The following MCM3AP variants were observed in gnomAD, a reference collection of about 807,000 sequenced individuals.
The protein encoded by MCM3AP is minichromosome maintenance complex component 3 associated protein.
A neutral mutation model predicts 184.1 loss-of-function variants in MCM3AP; 126 were observed. The observed-to-expected ratio is 0.68, with a 90% CI of 0.59 to 0.79. The LOEUF (loss-of-function observed/expected upper bound fraction) is 0.79. MCM3AP is among the 30% of genes least tolerant of loss of function. The pLI, the probability that MCM3AP is intolerant of heterozygous loss-of-function variation, is 0.00. For missense variants in MCM3AP, 2,496 were observed against 2,479.2 expected (o/e 1.01, Z -0.14); for synonymous variants, 1,002 against 979.3 (o/e 1.02, Z -0.43).
In MCM3AP at chr21:46,266,803, C is replaced by T. The variant is rs2145681283; in HGVS notation, c.2789+179G>A. On this transcript the variant is annotated intron_variant, in intron 10 of 27. Transcript: ENST00000291688. ...TTGGTCTGAGCCCTCAATGTGCTGACAGCCAGGATGTGACCTTGGGAACAC... is the reference window on the plus strand; with the variant it reads ...TTGGTCTGAGCCCTCAATGTGCTGATAGCCAGGATGTGACCTTGGGAACAC... 3 of 639,590 alleles carry T rather than the reference C, an allele frequency of 4.7e-6. No individual in the cohort carries two copies. The South Asian group carries it at 6.1e-5, about 13-fold the overall frequency. The allele number at this position is 639,590 out of a possible 1,614,324, so 39.6% of individuals were successfully genotyped here.
intron 17 of MCM3AP, among the ~76,000 whole-genome samples, chr21:46,255,151 T>G (rs967854853): frequency 3.3e-5 from 5 of 152,020 alleles, no homozygotes; most frequent in Non-Finnish European, 7.4e-5. Flanking sequence ...TGCTGCCAGG[T>G]GGGGCTGGAG....
At position 46,246,701 on chromosome 21, in the gene MCM3AP, G is replaced by T; in HGVS notation, c.4476C>A (p.Phe1492Leu). Reference protein sequence around the residue: ...QLKQLLQAKPFQPALPLVVLV... With the variant: ...QLKQLLQAKPLQPALPLVVLV... ...GAACCACCAGAGGAAGCGCAGGCTG[G>T]AAGGGCTTAGCCTGCAGGAGCTGCT... Residue 1492 changes from phenylalanine to leucine, a missense_variant, in exon 21 of 28, where the codon TTC (phenylalanine) becomes TTA (leucine). Phe to Leu is a conservative substitution (Grantham distance 22). Coordinates refer to ENST00000291688, the MANE Select transcript of MCM3AP (RefSeq NM_003906.5). 1 of 1,614,232 alleles carries T rather than the reference G, an allele frequency of 6.2e-7. No homozygotes were observed. Among genetic ancestry groups the T allele is most frequent in the Non-Finnish European group, 8.5e-7 (1 of 1,180,026 alleles).
Position 46,285,111 on chromosome 21 carries a change from G to A in MCM3AP, c.176C>T (p.Pro59Leu), listed in dbSNP as rs1415026437. ...GGAATGACTTACTCCAGAAGACGCT[G>A]GAAAGCTGGATACCTGTGAAAATCC... ...SSGFSQVSSF[P>L]ASSGVSHSSS... is the part of the protein sequence containing the mutation. Residue 59 changes from proline (P) to leucine (L), a missense_variant, in exon 1 of 28, where the codon CCA becomes CTA. By Grantham distance (98) the Pro-to-Leu change is moderately conservative (BLOSUM62 -3). This residue lies in a region of MCM3AP where 800 missense variants were observed against 717.1 expected (regional missense o/e 1.12). Coordinates refer to ENST00000291688, the MANE Select transcript of MCM3AP (RefSeq NM_003906.5). 5.6e-6 allele frequency: 9 copies of A among 1,614,188 alleles called. No individual in the cohort carries two copies. The highest frequency in any genetic ancestry group is 2.2e-5 in the East Asian group (1 of 44,886).
chr21:46,280,111 T>A lies in MCM3AP; in HGVS notation c.1549A>T (p.Lys517Ter). Residue 517 changes from lysine (K) to a stop codon, truncating the protein, a stop_gained, in exon 4 of 28, where the codon AAG becomes TAG. Transcript: ENST00000291688. LOFTEE classifies it high-confidence loss of function. The part of the protein sequence containing the change: ...ISPNKKPFSL[K>*]EKKPGDGEVS... ...TCACCGTCACCTGGTTTCTTCTCCT[T>A]CAGGGAAAAGGGTTTCTTATTGGGG... is the stretch of plus-strand genomic sequence containing the variant. 6.2e-7 allele frequency: 1 copy of A among 1,614,178 alleles called. No homozygotes were observed.
Position 46,275,308 on chromosome 21 carries a change from C to A in MCM3AP, c.1876G>T (p.Asp626Tyr). ...IMRQARVKRTDLDKARTFVGT... is the reference protein window; with the variant it reads ...IMRQARVKRTYLDKARTFVGT... ...ACAAAAGTCCTCGCTTTGTCCAGATCGGTTCTCTTCACCCGAGCTAAATGA... is the reference window on the plus strand; with the variant it reads ...ACAAAAGTCCTCGCTTTGTCCAGATAGGTTCTCTTCACCCGAGCTAAATGA... The change falls in exon 6 of 28, where the codon GAT becomes TAT. Residue 626 changes from aspartate (D) to tyrosine (Y), a missense_variant. By Grantham distance (160) the Asp-to-Tyr change is radical. Coordinates refer to ENST00000291688, the MANE Select transcript of MCM3AP (RefSeq NM_003906.5). 1.2e-6 allele frequency: 2 copies of A among 1,613,212 alleles called. No individual in the cohort carries two copies. The highest frequency in any genetic ancestry group is 1.7e-6 in the Non-Finnish European group (2 of 1,179,708).
At position 46,257,781 on chromosome 21, in the gene MCM3AP, C is replaced by T. The variant is rs984488152; in HGVS notation, c.3735-795G>A. Among the ~76,000 whole-genome samples, 7 of 152,040 alleles carry T rather than the reference C, an allele frequency of 4.6e-5. No homozygotes were observed. In the East Asian group the frequency reaches 9.7e-4, roughly 21 times the overall value. Reference sequence around the variant, plus strand: ...TAAAAATAAAAAAAACAAAATTAGCCGAGCATGGTGGCGCACGCCTGTAGT... The same window carrying T: ...TAAAAATAAAAAAAACAAAATTAGCTGAGCATGGTGGCGCACGCCTGTAGT... On this transcript the variant is annotated intron_variant, in intron 16 of 27. Transcript: ENST00000291688.
intron 23 of MCM3AP, 106 bp from the exon 24 acceptor site, chr21:46,243,828 G>T: frequency 8.4e-7 from 1 of 1,196,580 alleles, no homozygotes; most frequent in Non-Finnish European, 1.2e-6. Flanking sequence ...TGAGAAGTCT[G>T]CTTTCTAAAC....
rs58993039 is a variant in MCM3AP, at chr21:46,259,904, C to CAAA, written c.3582-816_3582-814dup. Reference sequence around the variant, plus strand: ...TGGGTAACAGAGTAAAACTCCATTTCAAAAAAAAAAAAAAAAAAAAAATTA... The same window carrying CAAA: ...TGGGTAACAGAGTAAAACTCCATTTCAAAAAAAAAAAAAAAAAAAAAAAAATTA... On this transcript the variant is annotated intron_variant, in intron 15 of 27. Transcript: ENST00000291688. Among the ~76,000 whole-genome samples, 68 of 80,210 alleles carry CAAA rather than the reference C, an allele frequency of 8.5e-4. 1 individual carries two copies. Among genetic ancestry groups the CAAA allele is most frequent in the Middle Eastern group, 7.0e-3 (1 of 142 alleles). The allele number at this position is 80,210 out of a possible 152,430, so 52.6% of individuals were successfully genotyped here.
At position 46,284,288 on chromosome 21, in the gene MCM3AP, C is replaced by T. The variant is rs1289371257; in HGVS notation, c.999G>A (p.Arg333=). Residue 333 remains arginine (R), a synonymous_variant, in exon 1 of 28, where the codon CGG becomes CGA. Transcript: ENST00000291688. ...DKRPVRLNRP[R]GGTLFGRTIQ... ...TCGTCCGACCAAATAAAGTACCTCC[C>T]CGGGGTCGATTCAGGCGGACAGGTC... The T allele has an allele frequency of 1.9e-6, 3 of 1,614,194 alleles. No homozygotes were observed. The South Asian group carries it at 3.3e-5, about 18-fold the overall frequency.
At chr21:46,265,094 C>T (rs1003539700) in intron 12 of MCM3AP, among the ~76,000 whole-genome samples, 7 of 152,370 alleles carry the variant, frequency 4.6e-5, no homozygotes, top group East Asian at 1.9e-4. Context: ...TTCAGACACA[C>T]GGGCTCAGGC....
chr21:46,285,161 G>A lies in MCM3AP; in HGVS notation c.126C>T (p.Asn42=). 6.2e-7 allele frequency: 1 copy of A among 1,614,142 alleles called. No homozygotes were observed. The highest frequency in any genetic ancestry group is 8.5e-7 in the Non-Finnish European group (1 of 1,180,008). The part of the protein sequence containing the change: ...RFGQPSLFGQ[N]STLSGKSSGF... ...CCGAGCTCTTCCCAGATAAGGTACTGTTTTGTCCAAAAAGAGAAGGTTGAC... is the reference window on the plus strand; with the variant it reads ...CCGAGCTCTTCCCAGATAAGGTACTATTTTGTCCAAAAAGAGAAGGTTGAC... Residue 42 remains asparagine (N), a synonymous_variant, in exon 1 of 28, where the codon AAC becomes AAT. Coordinates refer to ENST00000291688, the MANE Select transcript of MCM3AP (RefSeq NM_003906.5).
At chr21:46,280,644 C>T (rs2081320365) in intron 2 of MCM3AP, 69 bp from the exon 3 acceptor site, 4 of 1,047,994 alleles carry the variant, frequency 3.8e-6, no homozygotes, top group Non-Finnish European at 4.5e-6. Context: ...ATTGAAAACT[C>T]AAATGCAGTA....
At chr21:46,251,776 A>T (rs2839984) in intron 19 of MCM3AP, 94 bp from the exon 20 acceptor site, 1 of 757,984 alleles carries the variant, frequency 1.3e-6, no homozygotes, top group Non-Finnish European at 2.1e-6. Flanking sequence ...AGAAGAAAGA[A>T]AAATATCACA....
chr21:46,271,720 G>A (rs2081182779), intron 8 of MCM3AP, among the ~76,000 whole-genome samples: 1 of 151,900 alleles, frequency 6.6e-6, no homozygotes, highest in African/African-American at 2.4e-5. Context: ...AATGAGGCGG[G>A]CATGGTGGTA....
chr21:46,278,767 G>A (rs561847675), intron 4 of MCM3AP, among the ~76,000 whole-genome samples: 3 of 151,790 alleles, frequency 2.0e-5, no homozygotes, highest in South Asian at 2.1e-4. Flanking sequence ...TCCGCCTCCC[G>A]GGTTCACGCA....
chr21:46,265,864 G>T, intron 11 of MCM3AP, 61 bp downstream of exon 11: 2 of 1,501,108 alleles, frequency 1.3e-6, no homozygotes, highest in Non-Finnish European at 8.9e-7. Flanking sequence ...CCAGGCTCCT[G>T]GGAGGCGTTC....
intron 6 of MCM3AP, among the ~76,000 whole-genome samples, chr21:46,274,725 T>C (rs1601538171): frequency 6.6e-6 from 1 of 152,000 alleles, no homozygotes; most frequent in East Asian, 1.9e-4. Flanking sequence ...GACTTGAGCT[T>C]AGGAGTTCGG....
At chr21:46,262,580 C>T (rs1343087140) in intron 13 of MCM3AP, among the ~76,000 whole-genome samples, 3 of 151,640 alleles carry the variant, frequency 2.0e-5, no homozygotes, top group Non-Finnish European at 4.4e-5. Flanking sequence ...CCTAGAAGAT[C>T]AAGGCTGTGG....
At position 46,235,226 on chromosome 21, in the gene MCM3AP, G is replaced by C. The variant is rs886512314; in HGVS notation, c.*42C>G. ...AATAACATTATTTTGAGTAAAAACA[G>C]AAACTCTTCGGGAGAGACCCCCTCC... On this transcript the variant is annotated 3_prime_UTR_variant, in exon 28 of 28. Transcript: ENST00000291688. 2.5e-6 allele frequency: 4 copies of C among 1,596,340 alleles called. No individual in the cohort carries two copies. The highest frequency in any genetic ancestry group is 4.5e-5 in the East Asian group (2 of 44,590).
Sources: gnomAD v4.1 joint callset for allele counts (sites outside exome capture counted in the v4.1 genomes callset) on GRCh38, gnomAD v4.1.1 for gene constraint, gnomAD v4.1.1 regional missense constraint, MANE v1.5 for transcripts, NCBI Gene and HGNC (gene_info 2026-07-23, HGNC 2026-07-21) for gene names.